AKAP13: variants seen among roughly 807,000 people sequenced by gnomAD.
The protein encoded by AKAP13 is A-kinase anchoring protein 13, also known as A-kinase anchor protein 13.
A neutral mutation model predicts 264.5 loss-of-function variants in AKAP13; 80 were observed. The observed-to-expected ratio is 0.30, with a 90% CI of 0.25 to 0.36. The LOEUF is 0.36. AKAP13 is among the 10% of genes least tolerant of loss of function. AKAP13 has a pLI of 1.00. For synonymous variants in AKAP13, 1,380 were observed against 1,250.2 expected (o/e 1.10, Z -2.19); for missense variants, 3,712 against 3,435.2 (o/e 1.08, Z -2.01).
At chr15:85,644,231 TTC>T (rs199535063) in intron 9 of AKAP13, among the ~76,000 whole-genome samples, 18,976 of 47,466 alleles carry the variant, frequency 0.4, 2,052 homozygotes, top group East Asian at 0.55. Flanking sequence ...GACTTTTATC[TTC>T]TTTTTTTTTT....
chr15:85,613,055 G>A (rs1400317616), intron 8 of AKAP13, among the ~76,000 whole-genome samples: 2 of 152,116 alleles, frequency 1.3e-5, no homozygotes, highest in East Asian at 1.9e-4. Context: ...ACTGTCTTAT[G>A]TTCTTGTGGT....
intron 2 of AKAP13, among the ~76,000 whole-genome samples, chr15:85,516,111 A>C (rs1034687510): frequency 7.2e-5 from 11 of 152,200 alleles, no homozygotes; most frequent in African/African-American, 2.4e-4. Context: ...GTCTCTTCAG[A>C]TGCAACTTAC....
intron 8 of AKAP13, among the ~76,000 whole-genome samples, chr15:85,626,545 A>G (rs989021754): frequency 2.6e-5 from 4 of 152,220 alleles, no homozygotes; most frequent in African/African-American, 4.8e-5. Context: ...AATATCTTCA[A>G]GGTTCATCCA....
chr15:85,441,108 C>T (rs1260563013), intron 1 of AKAP13, among the ~76,000 whole-genome samples: 1 of 152,124 alleles, frequency 6.6e-6, no homozygotes, highest in Non-Finnish European at 1.5e-5. Context: ...CTGGGTAACA[C>T]TGTTTTCCAA....
intron 31 of AKAP13, 124 bp from the exon 32 acceptor site, chr15:85,735,436 C>G: frequency 9.8e-7 from 1 of 1,023,650 alleles, no homozygotes; most frequent in South Asian, 1.6e-5. Flanking sequence ...AAGCAGCTCC[C>G]CCTTTTTGGG....
At chr15:85,401,294 C>G (rs1360773383) in intron 1 of AKAP13, among the ~76,000 whole-genome samples, 1 of 62,654 alleles carries the variant, frequency 1.6e-5, no homozygotes, top group Non-Finnish European at 3.1e-5. Context: ...TGTAGTATAC[C>G]TGATTATTGA....
chr15:85,727,184 A>G lies in AKAP13; in HGVS notation c.6941A>G (p.His2314Arg). Reference protein sequence around the residue: ...GMTDPEMVEVHASSKEERNSW... With the variant: ...GMTDPEMVEVRASSKEERNSW... ...ACAGATCCAGAGATGGTAGAAGTCC[A>G]TGCCAGCTCCAAAGAGGAACGAAAC... is the stretch of plus-strand genomic sequence containing the variant. Residue 2314 changes from histidine (H) to arginine (R), a missense_variant, in exon 28 of 37, where the codon CAT becomes CGT. Physicochemically the swap from His to Arg is conservative, Grantham distance 29. Around this residue, in one of 3 missense-constraint regions of AKAP13, gnomAD observed 342 missense variants for 484.3 expected, o/e 0.71. Coordinates refer to ENST00000394518, the MANE Select transcript of AKAP13 (RefSeq NM_007200.5). The surrounding 1 kb of genome is among the most constrained non-coding windows in gnomAD (Gnocchi z 5.3). The G allele has an allele frequency of 1.2e-6, 2 of 1,614,220 alleles. No homozygotes were observed. The highest frequency in any genetic ancestry group is 1.7e-5 in the Admixed American group (1 of 60,028).
intron 8 of AKAP13, among the ~76,000 whole-genome samples, chr15:85,630,318 A>G (rs949874566): frequency 6.6e-6 from 1 of 151,076 alleles, no homozygotes; most frequent in Non-Finnish European, 1.5e-5. Context: ...GTGTCTCTGT[A>G]TATATAACAT....
intron 1 of AKAP13, among the ~76,000 whole-genome samples, chr15:85,431,585 G>T (rs1317525734): frequency 6.6e-6 from 1 of 152,182 alleles, no homozygotes; most frequent in Non-Finnish European, 1.5e-5. Context: ...AAGCTTTGAG[G>T]TGAAGGAGTG....
intron 8 of AKAP13, among the ~76,000 whole-genome samples, chr15:85,614,295 G>C (rs2151401279): frequency 6.6e-6 from 1 of 152,310 alleles, no homozygotes; most frequent in East Asian, 1.9e-4. Context: ...GCTGCCAAAA[G>C]AAATAATGAA....
In AKAP13 at chr15:85,658,606, A is replaced by C. The variant is rs766369595; in HGVS notation, c.4799+16A>C. The C allele has an allele frequency of 6.2e-7, 1 of 1,607,974 alleles. No homozygotes were observed. The highest frequency in any genetic ancestry group is 8.5e-7 in the Non-Finnish European group (1 of 1,174,936). On this transcript the variant is annotated intron_variant, in intron 12 of 36. Coordinates refer to ENST00000394518, the MANE Select transcript of AKAP13 (RefSeq NM_007200.5). ...ATAGGAGAAGGTACAGAGTTCATTA[A>C]CTTGATGGACTAACCATGTCACCTC...
intron 15 of AKAP13, chr15:85,683,431 A>G: frequency 6.6e-6 from 1 of 152,202 alleles, no homozygotes; most frequent in East Asian, 1.9e-4. Flanking sequence ...TTTTCTATAT[A>G]ACGGATTGTT....
intron 5 of AKAP13, among the ~76,000 whole-genome samples, chr15:85,570,612 T>C (rs917622426): frequency 6.6e-6 from 1 of 152,226 alleles, no homozygotes; most frequent in African/African-American, 2.4e-5. Flanking sequence ...ATGCCAGCAC[T>C]ACCGAGTTTG....
intron 17 of AKAP13, among the ~76,000 whole-genome samples, chr15:85,700,079 T>C (rs2085822171): frequency 6.6e-6 from 1 of 152,244 alleles, no homozygotes; most frequent in East Asian, 1.9e-4. Context: ...AGTGTATATT[T>C]AGCCTTGTAT....
intron 2 of AKAP13, among the ~76,000 whole-genome samples, chr15:85,490,288 C>A (rs1204312815): frequency 6.6e-6 from 1 of 152,146 alleles, no homozygotes; most frequent in Non-Finnish European, 1.5e-5. Context: ...TGATTGAGAA[C>A]TTGAGTGTGA....
chr15:85,633,378 G>A (rs1428647969), intron 8 of AKAP13, among the ~76,000 whole-genome samples: 2 of 149,940 alleles, frequency 1.3e-5, no homozygotes, highest in African/African-American at 2.5e-5. Flanking sequence ...CGGGGGGGGA[G>A]TAATTTTTTC....
Position 85,639,436 on chromosome 15 carries a change from C to T in AKAP13, c.4224C>T (p.Ser1408=). Residue 1408 remains serine (S), a synonymous_variant, in exon 9 of 37, where the codon TCC becomes TCT. Transcript: ENST00000394518. ...CTGATGCAGCATCTCTTCTGGCTTC[C>T]AAGCAGAGCCCAGGTAAGCTGAGAT... ...PCPDAASLLA[S]KQSPECENFL... is the part of the protein sequence containing the mutation. 6.2e-7 allele frequency: 1 copy of T among 1,612,190 alleles called. No homozygotes were observed. The highest frequency in any genetic ancestry group is 1.1e-5 in the South Asian group (1 of 91,018).
chr15:85,694,737 G>A (rs906378130), intron 17 of AKAP13, among the ~76,000 whole-genome samples: 2 of 152,216 alleles, frequency 1.3e-5, no homozygotes, highest in Non-Finnish European at 1.5e-5. Flanking sequence ...AGAGGTGACA[G>A]TCTGGAGTTC....
intron 1 of AKAP13, among the ~76,000 whole-genome samples, chr15:85,420,099 G>A (rs1378878274): frequency 2.0e-5 from 3 of 151,736 alleles, no homozygotes; most frequent in Non-Finnish European, 2.9e-5. Context: ...CCGCCACTAC[G>A]CCCGGCTAAT....
Sources: allele counts gnomAD v4.1 joint callset (sites outside exome capture counted in the v4.1 genomes callset), GRCh38; gene constraint gnomAD v4.1.1; regional missense constraint gnomAD v4.1.1; non-coding constraint Gnocchi (gnomAD v3.1); transcripts MANE v1.5; gene names NCBI Gene and HGNC (gene_info 2026-07-23, HGNC 2026-07-21).